NEO1: variants seen among roughly 807,000 people sequenced by gnomAD.
NEO1 encodes the protein neogenin.
Under a neutral mutation model 159.7 loss-of-function variants are expected in NEO1, and 63 were observed. The ratio of observed to expected loss-of-function variants is 0.39; its 90% confidence interval spans 0.32 to 0.49. The LOEUF (loss-of-function observed/expected upper bound fraction) is 0.49. NEO1 is among the 20% of genes least tolerant of loss of function. NEO1 has a pLI of 0.85. For synonymous variants in NEO1, 633 were observed against 662.0 expected, an observed-to-expected ratio of 0.96 and a Z score of 0.67; for missense variants, 1,615 against 1,831.0, an observed-to-expected ratio of 0.88 and a Z score of 2.15.
At chr15:73,231,091 TAATTC>T (rs1283444738) in intron 7 of NEO1, among the ~76,000 whole-genome samples, 1 of 152,160 alleles carries the variant, frequency 6.6e-6, no homozygotes, top group African/African-American at 2.4e-5. Context: ...AGAAATAACA[TAATTC>T]AATAATAATT....
rs74978570 is a variant in NEO1 at position 73,251,358 on chromosome 15, A to G, written c.1894+1637A>G. 5.4e-4 allele frequency among the ~76,000 whole-genome samples: 82 copies of G among 152,068 alleles called. 1 individual carries two copies. The East Asian group carries it at 0.015, about 28-fold the overall frequency. ...AAACGCCATCTCTACTTAAAAAATA[A>G]TAATAATAGCTGGGCATTAGTGGCA... On this transcript the variant is annotated intron_variant, in intron 11 of 28. Coordinates refer to ENST00000261908, the MANE Select transcript of NEO1 (RefSeq NM_002499.4).
At chr15:73,294,116 C>T (rs1021803564) in intron 26 of NEO1, among the ~76,000 whole-genome samples, 2 of 152,168 alleles carry the variant, frequency 1.3e-5, no homozygotes, top group Admixed American at 6.5e-5. Flanking sequence ...GGAATAGATC[C>T]TCTCTGAAGA....
intron 1 of NEO1, among the ~76,000 whole-genome samples, chr15:73,098,023 C>CTA (rs1435273610): frequency 6.6e-6 from 1 of 151,908 alleles, no homozygotes; most frequent in African/African-American, 2.4e-5. Context: ...TGTTTTTCTT[C>CTA]TACACCAAGA....
chr15:73,064,547 C>G (rs1337257276), intron 1 of NEO1, among the ~76,000 whole-genome samples: 1 of 152,192 alleles, frequency 6.6e-6, no homozygotes, highest in African/African-American at 2.4e-5. Context: ...TCACTGTAAT[C>G]TCTGCCTCTT....
At chr15:73,086,328 A>C (rs2069356768) in intron 1 of NEO1, among the ~76,000 whole-genome samples, 1 of 152,146 alleles carries the variant, frequency 6.6e-6, no homozygotes, top group Admixed American at 6.6e-5. Context: ...TGATTGCTGT[A>C]GCTTTATAGT....
chr15:73,231,989 T>C (rs1345116250), intron 7 of NEO1, among the ~76,000 whole-genome samples: 1 of 152,238 alleles, frequency 6.6e-6, no homozygotes, highest in African/African-American at 2.4e-5. Context: ...ATAGCCACTT[T>C]GAAGTCTTTG....
intron 7 of NEO1, among the ~76,000 whole-genome samples, chr15:73,193,138 G>A (rs536967351): frequency 3.3e-5 from 5 of 152,064 alleles, no homozygotes; most frequent in Non-Finnish European, 4.4e-5. Context: ...TAAATGCTGA[G>A]GTGGTTAAGT....
chr15:73,191,397 GA>G (rs2036229062), intron 7 of NEO1, among the ~76,000 whole-genome samples: 1 of 149,676 alleles, frequency 6.7e-6, no homozygotes, highest in Non-Finnish European at 1.5e-5. Flanking sequence ...AGCATTAAAG[GA>G]GATTAAAAGT....
At chr15:73,269,342 C>A (rs1036448214) in intron 16 of NEO1, among the ~76,000 whole-genome samples, 1 of 152,060 alleles carries the variant, frequency 6.6e-6, no homozygotes, top group Non-Finnish European at 1.5e-5. Context: ...TTTTTGTCTT[C>A]GTGAGCCTTT....
chr15:73,065,632 G>T lies in NEO1; in HGVS notation c.130+12827G>T, dbSNP rs549662561. Among the ~76,000 whole-genome samples, 117 of 152,110 alleles carry T rather than the reference G, an allele frequency of 7.7e-4. 1 individual carries two copies. Among genetic ancestry groups the T allele is most frequent in the African/African-American group, 2.7e-3 (113 of 41,496 alleles). ...CCGTCTTTGGCCACTTTTAAGATTT[G>T]TTCTTTAGTTATGGTTGTCAGAAAT... On this transcript the variant is annotated intron_variant, in intron 1 of 28. Transcript: ENST00000261908.
chr15:73,222,215 C>T (rs1359390967), intron 7 of NEO1: 1 of 146,286 alleles, frequency 6.8e-6, no homozygotes, highest in Non-Finnish European at 1.5e-5. Flanking sequence ...TGCCATTCTC[C>T]TGCCTCAGCC....
intron 1 of NEO1, among the ~76,000 whole-genome samples, chr15:73,101,277 T>C (rs1361771220): frequency 6.6e-6 from 1 of 152,266 alleles, no homozygotes; most frequent in Admixed American, 6.5e-5. Context: ...TCCAGGTTTC[T>C]GTTATTGATT....
Position 73,103,675 on chromosome 15 carries a change from C to A in NEO1, c.131-12865C>A, listed in dbSNP as rs994739330. On this transcript the variant is annotated intron_variant, in intron 1 of 28. Coordinates refer to ENST00000261908, the MANE Select transcript of NEO1 (RefSeq NM_002499.4). ...GATAGTAAGTGTCTTGTTCCCTTAACCTAGGTGCTTAGCATGTGGCACCCA... is the reference window on the plus strand; with the variant it reads ...GATAGTAAGTGTCTTGTTCCCTTAAACTAGGTGCTTAGCATGTGGCACCCA... Among the ~76,000 whole-genome samples, 11 of 152,162 alleles carry A rather than the reference C, an allele frequency of 7.2e-5. No homozygotes were observed. The South Asian group carries it at 2.3e-3, about 32-fold the overall frequency.
Position 73,130,804 on chromosome 15 carries a change from G to A in NEO1, c.878+4234G>A, listed in dbSNP as rs576714449. Among the ~76,000 whole-genome samples, 198 of 152,298 alleles carry A rather than the reference G, an allele frequency of 1.3e-3. 4 individuals carry two copies. In the South Asian group the frequency reaches 0.036, roughly 28 times the overall value. ...GGGGTGGTATCAAAGGAGGCCCAGCGGAGAGTCAAAGCTTTACCATCATGT... is the reference window on the plus strand; with the variant it reads ...GGGGTGGTATCAAAGGAGGCCCAGCAGAGAGTCAAAGCTTTACCATCATGT... On this transcript the variant is annotated intron_variant, in intron 4 of 28. Transcript: ENST00000261908.
chr15:73,280,098 A>G (rs746240954), intron 22 of NEO1, among the ~76,000 whole-genome samples: 39 of 152,292 alleles, frequency 2.6e-4, no homozygotes, highest in Non-Finnish European at 4.9e-4. Flanking sequence ...TTGGGGGCTA[A>G]GAGTATAAAG....
intron 7 of NEO1, among the ~76,000 whole-genome samples, chr15:73,201,075 T>C (rs1596327441): frequency 6.6e-6 from 1 of 152,204 alleles, no homozygotes; most frequent in Non-Finnish European, 1.5e-5. Flanking sequence ...TCTTTTTCCC[T>C]TGGTGCCTGG....
At chr15:73,283,927 C>T (rs567790383) in intron 23 of NEO1, among the ~76,000 whole-genome samples, 3 of 151,688 alleles carry the variant, frequency 2.0e-5, no homozygotes, top group Non-Finnish European at 4.4e-5. Flanking sequence ...GGTAGGATTG[C>T]TTTAATGAAC....
intron 27 of NEO1, among the ~76,000 whole-genome samples, chr15:73,300,178 T>C (rs2042556975): frequency 6.6e-6 from 1 of 152,256 alleles, no homozygotes; most frequent in African/African-American, 2.4e-5. Flanking sequence ...ATTAATATCA[T>C]CAAAATGTGT....
intron 7 of NEO1, among the ~76,000 whole-genome samples, chr15:73,182,516 C>T (rs543923660): frequency 3.9e-4 from 59 of 152,232 alleles, no homozygotes; most frequent in Non-Finnish European, 7.2e-4. Flanking sequence ...CTGATAAAGA[C>T]ATACCTGAGA....
Sources: allele counts gnomAD v4.1 joint callset (sites outside exome capture counted in the v4.1 genomes callset), GRCh38; gene constraint gnomAD v4.1.1; transcripts MANE v1.5; gene names NCBI Gene and HGNC (gene_info 2026-07-23, HGNC 2026-07-21).